The following DAB1 variants were observed in gnomAD, a reference collection of about 807,000 sequenced individuals.
DAB1 encodes disabled homolog 1.
A neutral mutation model predicts 64.6 loss-of-function variants in DAB1; 15 were observed. The observed-to-expected ratio is 0.23, with a 90% CI of 0.16 to 0.36. DAB1 has a LOEUF of 0.36. Among genes scored for constraint, DAB1 ranks in the 10% least tolerant of loss-of-function variants. The pLI is 1.00. For missense variants in DAB1, 596 were observed against 706.7 expected (o/e 0.84, Z 1.78); for synonymous variants, 235 against 251.9 (o/e 0.93, Z 0.64).
At chr1:57,205,552 A>G (rs1665468937) in intron 2 of DAB1, among the ~76,000 whole-genome samples, 1 of 152,250 alleles carries the variant, frequency 6.6e-6, no homozygotes, top group African/African-American at 2.4e-5. Context: ...AAATAGAACT[A>G]AGAGTGATTC....
At chr1:57,924,429 C>T (rs1644850339) in intron 5 of DAB1, among the ~76,000 whole-genome samples, 1 of 152,076 alleles carries the variant, frequency 6.6e-6, no homozygotes, top group Admixed American at 6.6e-5. Context: ...CTCCTAGCTT[C>T]TCACTGGGGG....
chr1:57,957,000 T>C (rs1486198021), intron 5 of DAB1, among the ~76,000 whole-genome samples: 1 of 152,194 alleles, frequency 6.6e-6, no homozygotes, highest in African/African-American at 2.4e-5. Context: ...TAAAACTGAA[T>C]GTCATCTGGT....
chr1:58,391,495 G>T (rs1038167047), intron 3 of DAB1, among the ~76,000 whole-genome samples: 7 of 152,210 alleles, frequency 4.6e-5, no homozygotes, highest in Non-Finnish European at 1.0e-4. Flanking sequence ...CTAAGAAGGG[G>T]TAAAGCCAGG....
At chr1:57,071,099 G>A (rs1394778134) in intron 6 of DAB1, 38 bp from the exon 7 acceptor site, 3 of 1,577,516 alleles carry the variant, frequency 1.9e-6, no homozygotes, top group Non-Finnish European at 2.6e-6. Context: ...GAAAAGCAGA[G>A]GACATAAAGG....
At chr1:58,113,828 C>G (rs1570367897) in intron 5 of DAB1, among the ~76,000 whole-genome samples, 1 of 151,496 alleles carries the variant, frequency 6.6e-6, no homozygotes, top group Admixed American at 6.6e-5. Context: ...CTGGAGCTCA[C>G]AAAGCACTTT....
At chr1:58,123,746 G>C (rs1015579096) in intron 5 of DAB1, among the ~76,000 whole-genome samples, 1 of 152,062 alleles carries the variant, frequency 6.6e-6, no homozygotes, top group Non-Finnish European at 1.5e-5. Flanking sequence ...TTGACTGATC[G>C]ATTTGTTATG....
At chr1:57,605,856 T>G in intron 7 of DAB1, 1 of 589,458 alleles carries the variant, frequency 1.7e-6, no homozygotes, top group Non-Finnish European at 3.2e-6. Flanking sequence ...CTTAAGCATC[T>G]GCAACGGTGA....
intron 5 of DAB1, among the ~76,000 whole-genome samples, chr1:57,990,760 G>C (rs112111902): frequency 0.02 from 3,018 of 152,194 alleles, 68 homozygotes; most frequent in African/African-American, 0.049. Flanking sequence ...CCGGGGGAGG[G>C]GCCCAGACAG....
chr1:57,211,740 C>T (rs1223399565), intron 2 of DAB1, among the ~76,000 whole-genome samples: 1 of 147,884 alleles, frequency 6.8e-6, no homozygotes, highest in Non-Finnish European at 1.5e-5. Flanking sequence ...CAAATGTAGA[C>T]CAAAAACTTT....
intron 4 of DAB1, among the ~76,000 whole-genome samples, chr1:58,250,640 G>A (rs1184978370): frequency 6.6e-6 from 1 of 152,212 alleles, no homozygotes; most frequent in East Asian, 1.9e-4. Context: ...TGACCGACCT[G>A]GCCTGAATGT....
chr1:57,878,036 C>T (rs1178363496), intron 1 of DAB1, among the ~76,000 whole-genome samples: 1 of 152,112 alleles, frequency 6.6e-6, no homozygotes, highest in Non-Finnish European at 1.5e-5. Flanking sequence ...TAATTACACA[C>T]CTAAACATAT....
At chr1:58,042,398 T>A (rs901421768) in intron 5 of DAB1, among the ~76,000 whole-genome samples, 4 of 152,190 alleles carry the variant, frequency 2.6e-5, no homozygotes, top group African/African-American at 9.7e-5. Context: ...TCAGACACTG[T>A]TAGACACTAG....
At chr1:57,628,617 A>AC (rs34852451) in intron 7 of DAB1, among the ~76,000 whole-genome samples, 148,145 of 152,270 alleles carry the variant, frequency 0.97, 72,192 homozygotes, top group East Asian at 1. Flanking sequence ...AAAATATCTA[A>AC]CCTCTTTGGT....
At chr1:57,729,856 T>C (rs572118681) in intron 6 of DAB1, among the ~76,000 whole-genome samples, 2 of 152,074 alleles carry the variant, frequency 1.3e-5, no homozygotes, top group Admixed American at 1.3e-4. Flanking sequence ...AGGCCAGGAG[T>C]TCAATATCAG....
intron 5 of DAB1, among the ~76,000 whole-genome samples, chr1:57,950,792 C>A (rs1645261424): frequency 6.6e-6 from 1 of 152,136 alleles, no homozygotes; most frequent in Admixed American, 6.6e-5. Flanking sequence ...TCAATAGCAC[C>A]TTAAGTACAC....
chr1:57,357,595 G>A (rs1392840855), intron 1 of DAB1, among the ~76,000 whole-genome samples: 1 of 141,632 alleles, frequency 7.1e-6, no homozygotes, highest in Non-Finnish European at 1.5e-5. Flanking sequence ...TTCACTATTA[G>A]CATGTGAATT....
intron 3 of DAB1, among the ~76,000 whole-genome samples, chr1:58,447,002 G>C (rs1021912178): frequency 1.6e-4 from 24 of 152,208 alleles, no homozygotes; most frequent in African/African-American, 5.6e-4. Flanking sequence ...CTGAACAGTG[G>C]AAGGAAACTC....
chr1:58,189,863 T>C (rs960850149), intron 4 of DAB1, among the ~76,000 whole-genome samples: 13 of 152,348 alleles, frequency 8.5e-5, no homozygotes, highest in Non-Finnish European at 1.6e-4. Context: ...AGGGGTCCCA[T>C]GGGCTACTGG....
chr1:57,478,367 T>C (rs1440565170), intron 7 of DAB1, among the ~76,000 whole-genome samples: 1 of 152,150 alleles, frequency 6.6e-6, no homozygotes, highest in Non-Finnish European at 1.5e-5. Flanking sequence ...AAAATTTAGA[T>C]GGCTGTCAAA....
Sources: gnomAD v4.1 joint callset for allele counts (sites outside exome capture counted in the v4.1 genomes callset) on GRCh38, gnomAD v4.1.1 for gene constraint, MANE v1.5 for transcripts, NCBI Gene and HGNC (gene_info 2026-07-23, HGNC 2026-07-21) for gene names.